ZNF749: variants seen among roughly 807,000 people sequenced by gnomAD.
ZNF749 encodes zinc finger protein 749.
In ZNF749, 8 loss-of-function variants were observed where a neutral mutation model predicts 7.3. The observed-to-expected ratio is 1.10, with a 90% CI of 0.64 to 1.98. The LOEUF (loss-of-function observed/expected upper bound fraction) is 1.98. ZNF749 is among the 30% of genes most tolerant of loss of function. ZNF749 has a pLI of 0.00. For synonymous variants in ZNF749, 310 were observed against 322.4 expected, an observed-to-expected ratio of 0.96 and a Z score of 0.41; for missense variants, 898 against 932.4, an observed-to-expected ratio of 0.96 and a Z score of 0.48.
At position 57,445,062 on chromosome 19, in the gene ZNF749, A is replaced by C. The variant is rs910025891; in HGVS notation, c.1914A>C (p.Arg638Ser). 1 of 1,613,384 alleles carries C rather than the reference A, an allele frequency of 6.2e-7. No individual in the cohort carries two copies. Among genetic ancestry groups the C allele is most frequent in the Non-Finnish European group, 8.5e-7 (1 of 1,179,808 alleles). Residue 638 changes from arginine (R) to serine (S), a missense_variant, in exon 3 of 3, where the codon AGA becomes AGC. By Grantham distance (110) the Arg-to-Ser change is moderately radical (BLOSUM62 -1). Coordinates refer to ENST00000334181, the MANE Select transcript of ZNF749 (RefSeq NM_001023561.4). ...SRHQKVHTGE[R>S]PYECSECGKF... ...ATCAGAAAGTTCACACTGGAGAAAGACCTTATGAGTGTAGTGAATGTGGGA... is the reference window on the plus strand; with the variant it reads ...ATCAGAAAGTTCACACTGGAGAAAGCCCTTATGAGTGTAGTGAATGTGGGA...
chr19:57,437,064 G>T (rs1335678902), intron 1 of ZNF749, among the ~76,000 whole-genome samples: 3 of 152,064 alleles, frequency 2.0e-5, no homozygotes. Flanking sequence ...AATAAGATAA[G>T]TTTTTATTGG....
Position 57,435,380 on chromosome 19 carries a change from C to G in ZNF749, c.-199C>G. The G allele has an allele frequency of 1.3e-6, 1 of 751,998 alleles. No homozygotes were observed. The highest frequency in any genetic ancestry group is 2.2e-6 in the Non-Finnish European group (1 of 464,112). The allele number at this position is 751,998 out of a possible 1,614,324, so 46.6% of individuals were successfully genotyped here. ...GCATGGCTACCTAGGGATCTGTTCA[C>G]TGATTTAGAGGGTCCCAGAGCTCTG... On this transcript the variant is annotated 5_prime_UTR_variant, in exon 1 of 3. Coordinates refer to ENST00000334181, the MANE Select transcript of ZNF749 (RefSeq NM_001023561.4).
Position 57,445,662 on chromosome 19 carries a change from C to T in ZNF749, c.*177C>T, listed in dbSNP as rs1313874980. The T allele has an allele frequency of 4.5e-6, 3 of 669,402 alleles. No individual in the cohort carries two copies. The highest frequency in any genetic ancestry group is 5.5e-6 in the Non-Finnish European group (3 of 541,608). 41.5% of individuals were successfully genotyped at this position (669,402 alleles called of 1,614,324 possible). On this transcript the variant is annotated 3_prime_UTR_variant, in exon 3 of 3. Transcript: ENST00000334181. ...AAACATTTATGTCCAGGCGTGGTGGCTCACGCCTGTAATCCCAGCACTTTG... is the reference window on the plus strand; with the variant it reads ...AAACATTTATGTCCAGGCGTGGTGGTTCACGCCTGTAATCCCAGCACTTTG...
chr19:57,444,548 G>A lies in ZNF749; in HGVS notation c.1400G>A (p.Arg467Lys), dbSNP rs750530360. 48 of 1,613,696 alleles carry A rather than the reference G, an allele frequency of 3.0e-5. 1 individual carries two copies. In the South Asian group the frequency reaches 5.2e-4, roughly 17 times the overall value. ...ATCCACACTGATGCATTTTCAAAAA[G>A]GTCTGACCTCATTCAACACAAGAGG... ...QKIHTDAFSK[R>K]SDLIQHKRID... The change falls in exon 3 of 3, where the codon AGG (arginine) becomes AAG (lysine). Residue 467 changes from arginine (R) to lysine (K), a missense_variant. Arg to Lys is a conservative substitution (Grantham distance 26, BLOSUM62 2). Coordinates refer to ENST00000334181, the MANE Select transcript of ZNF749 (RefSeq NM_001023561.4).
chr19:57,433,835 G>A (rs982917824), upstream of ZNF749, among the ~76,000 whole-genome samples: 2 of 151,836 alleles, frequency 1.3e-5, no homozygotes, highest in African/African-American at 4.8e-5. Flanking sequence ...CCACCTGATG[G>A]CAATACTATT....
Position 57,443,579 on chromosome 19 carries a change from G to A in ZNF749, c.431G>A (p.Ser144Asn). The A allele has an allele frequency of 7.4e-6, 12 of 1,614,250 alleles. No individual in the cohort carries two copies. The highest frequency in any genetic ancestry group is 1.0e-5 in the Non-Finnish European group (12 of 1,180,046). ...TGGAGGCCTTCATTTGTGAACCACA[G>A]TGCTCACGTGGGAGAGAGGAACTTC... is the stretch of plus-strand genomic sequence containing the variant. ...DEWRPSFVNH[S>N]AHVGERNFTC... Residue 144 changes from serine to asparagine, a missense_variant, in exon 3 of 3, where the codon AGT becomes AAT. Transcript: ENST00000334181.
rs755358635 is a variant in ZNF749, at chr19:57,443,288, C to A, written c.143-3C>A. On this transcript the variant is annotated splice_region_variant and splice_polypyrimidine_tract_variant and intron_variant, in intron 2 of 2. Coordinates refer to ENST00000334181, the MANE Select transcript of ZNF749 (RefSeq NM_001023561.4). ...CACTTCACCAGCATTTCTGTTCTTA[C>A]AGGTTGTTGGCATGGAGCCAAGGAT... 3.1e-6 allele frequency: 5 copies of A among 1,589,502 alleles called. No individual in the cohort carries two copies. Among genetic ancestry groups the A allele is most frequent in the Non-Finnish European group, 4.3e-6 (5 of 1,165,842 alleles).
chr19:57,437,317 A>G (rs1297580053), intron 1 of ZNF749, among the ~76,000 whole-genome samples: 1 of 152,158 alleles, frequency 6.6e-6, no homozygotes, highest in Non-Finnish European at 1.5e-5. Flanking sequence ...GCAATTGGAA[A>G]TAGATGTAAT....
chr19:57,430,816 C>T (rs568554163), upstream of ZNF749, among the ~76,000 whole-genome samples: 1 of 152,086 alleles, frequency 6.6e-6, no homozygotes, highest in East Asian at 1.9e-4. Context: ...CCAAGGTGGG[C>T]AGATCACGAG....
chr19:57,430,724 A>T, upstream of ZNF749, among the ~76,000 whole-genome samples: 1 of 152,096 alleles, frequency 6.6e-6, no homozygotes, highest in East Asian at 1.9e-4. Context: ...TGGGCAAAGG[A>T]TAGAAGAGGG....
chr19:57,437,618 G>C (rs1029162669), intron 1 of ZNF749, among the ~76,000 whole-genome samples: 1 of 151,778 alleles, frequency 6.6e-6, no homozygotes, highest in African/African-American at 2.4e-5. Flanking sequence ...CAGCTACTTA[G>C]GAGGCTGAGG....
upstream of ZNF749, among the ~76,000 whole-genome samples, chr19:57,430,687 A>G (rs1056366519): frequency 6.6e-6 from 1 of 152,138 alleles, no homozygotes; most frequent in Non-Finnish European, 1.5e-5. Flanking sequence ...GAATTTTAGG[A>G]TATTTTTTGG....
chr19:57,438,041 T>A (rs2088951992), intron 1 of ZNF749: 1 of 398,624 alleles, frequency 2.5e-6, no homozygotes. Context: ...GTTGTACAGC[T>A]CAGCCTGTAG....
chr19:57,438,308 T>G, intron 1 of ZNF749: 1 of 362,856 alleles, frequency 2.8e-6, no homozygotes, highest in Non-Finnish European at 4.9e-6. Context: ...TAATGTGAAC[T>G]TGTGATCAAT....
Position 57,441,975 on chromosome 19 carries a change from G to A in ZNF749, c.106G>A (p.Val36Met). Residue 36 changes from valine to methionine, a missense_variant, in exon 2 of 3, where the codon GTG becomes ATG. Coordinates refer to ENST00000334181, the MANE Select transcript of ZNF749 (RefSeq NM_001023561.4). ...NDAQRHLHSN[V>M]MLENFALLSS... is the part of the protein sequence containing the mutation. ...TGCTCAGAGACACCTGCACAGCAAT[G>A]TGATGTTGGAGAACTTTGCGCTTTT... 2 of 1,614,160 alleles carry A rather than the reference G, an allele frequency of 1.2e-6. No homozygotes were observed. The highest frequency in any genetic ancestry group is 1.7e-6 in the Non-Finnish European group (2 of 1,180,022).
At position 57,443,434 on chromosome 19, in the gene ZNF749, A is replaced by G; in HGVS notation, c.286A>G (p.Ile96Val). The G allele has an allele frequency of 6.2e-7, 1 of 1,614,258 alleles. No individual in the cohort carries two copies. Among genetic ancestry groups the G allele is most frequent in the Non-Finnish European group, 8.5e-7 (1 of 1,180,042 alleles). The stretch of plus-strand genomic sequence containing the variant: ...GATGTGTAGCTCAATTCTGAAGGAC[A>G]TTCTGCACCTGGCTGAGCACGATGG... The part of the protein sequence containing the change: ...CKMCSSILKD[I>V]LHLAEHDGTH... Residue 96 changes from isoleucine to valine, a missense_variant, in exon 3 of 3, where the codon ATT becomes GTT. Ile to Val is a conservative substitution (Grantham distance 29). Coordinates refer to ENST00000334181, the MANE Select transcript of ZNF749 (RefSeq NM_001023561.4).
rs200952060 is a variant in ZNF749 at position 57,443,446 on chromosome 19, G to A, written c.298G>A (p.Ala100Thr). ...AATTCTGAAGGACATTCTGCACCTG[G>A]CTGAGCACGATGGAACACACCCTGA... ...SSILKDILHL[A>T]EHDGTHPEQG... The change falls in exon 3 of 3, where the codon GCT becomes ACT. Residue 100 changes from alanine to threonine, a missense_variant. By Grantham distance (58) the Ala-to-Thr change is moderately conservative. Transcript: ENST00000334181. 39 of 1,614,112 alleles carry A rather than the reference G, an allele frequency of 2.4e-5. No individual in the cohort carries two copies. Among genetic ancestry groups the A allele is most frequent in the Non-Finnish European group, 3.1e-5 (36 of 1,180,054 alleles).
chr19:57,431,943 A>T (rs2088900736), upstream of ZNF749, among the ~76,000 whole-genome samples: 1 of 152,108 alleles, frequency 6.6e-6, no homozygotes. Context: ...CTGCCTCAGC[A>T]TCCCGAGTAG....
chr19:57,435,753 C>G (rs952188697), intron 1 of ZNF749, 160 bp downstream of exon 1: 1 of 1,373,626 alleles, frequency 7.3e-7, no homozygotes, highest in South Asian at 1.4e-5. Flanking sequence ...CGGGGGAGCT[C>G]CCGTCGGAGA....
Sources: allele counts gnomAD v4.1 joint callset (sites outside exome capture counted in the v4.1 genomes callset), GRCh38; gene constraint gnomAD v4.1.1; transcripts MANE v1.5; gene names NCBI Gene and HGNC (gene_info 2026-07-23, HGNC 2026-07-21).